APBB1IP: variants seen among roughly 807,000 people sequenced by gnomAD.
The protein encoded by APBB1IP is amyloid beta precursor protein binding family B member 1 interacting protein.
APBB1IP carries 27 observed loss-of-function variants against 64.9 expected under a neutral mutation model. That is an observed-to-expected ratio of 0.42 (90% CI 0.31 to 0.57). The LOEUF (loss-of-function observed/expected upper bound fraction) is 0.57. APBB1IP is among the 20% of genes least tolerant of loss of function. The probability of loss-of-function intolerance (pLI) is 0.20; values close to 1 mark genes in which losing one functional copy is unlikely to be tolerated. For synonymous variants in APBB1IP, 392 were observed against 331.0 expected, an observed-to-expected ratio of 1.18 and a Z score of -2.00; for missense variants, 812 against 845.5, an observed-to-expected ratio of 0.96 and a Z score of 0.49.
intron 2 of APBB1IP, among the ~76,000 whole-genome samples, chr10:26,454,512 A>G (rs767981436): frequency 6.6e-6 from 1 of 151,354 alleles, no homozygotes; most frequent in African/African-American, 2.4e-5. Context: ...TAAAAAATAA[A>G]AATAAAAACA....
chr10:26,535,027 A>G (rs1836602632), intron 9 of APBB1IP, among the ~76,000 whole-genome samples: 1 of 152,208 alleles, frequency 6.6e-6, no homozygotes, highest in Non-Finnish European at 1.5e-5. Flanking sequence ...GCATTTATGG[A>G]ACTAAATGAG....
chr10:26,508,454 T>A (rs1836211737), intron 6 of APBB1IP, among the ~76,000 whole-genome samples: 1 of 152,040 alleles, frequency 6.6e-6, no homozygotes, highest in Non-Finnish European at 1.5e-5. Flanking sequence ...TCAGAAATTT[T>A]GTGTTTAGCA....
chr10:26,492,197 T>C, intron 2 of APBB1IP, 130 bp from the exon 3 acceptor site: 1 of 699,016 alleles, frequency 1.4e-6, no homozygotes. Context: ...TAAGCCTTCC[T>C]CTCAATATAG....
intron 13 of APBB1IP, among the ~76,000 whole-genome samples, chr10:26,561,069 T>C (rs1295863218): frequency 3.4e-5 from 4 of 118,156 alleles, no homozygotes; most frequent in Admixed American, 1.7e-4. Flanking sequence ...TCTTTCTTTT[T>C]TTTTTTTTTT....
intron 11 of APBB1IP, among the ~76,000 whole-genome samples, chr10:26,543,229 G>A (rs917687433): frequency 1.3e-5 from 2 of 152,016 alleles, no homozygotes; most frequent in African/African-American, 4.8e-5. Context: ...CACTGTGGGA[G>A]GCTGAGGCAG....
At chr10:26,449,241 T>A (rs775519713) in intron 2 of APBB1IP, among the ~76,000 whole-genome samples, 2 of 152,164 alleles carry the variant, frequency 1.3e-5, no homozygotes, top group Non-Finnish European at 2.9e-5. Context: ...TCCAGGTGCA[T>A]GAAGATGCAA....
chr10:26,507,035 G>C (rs1332926208), intron 6 of APBB1IP, among the ~76,000 whole-genome samples: 1 of 152,134 alleles, frequency 6.6e-6, no homozygotes, highest in Non-Finnish European at 1.5e-5. Context: ...GCAAGAATCA[G>C]CTCGGGGAGG....
At chr10:26,513,389 A>C (rs749366483) in intron 7 of APBB1IP, 150 bp from the exon 8 acceptor site, 2 of 794,382 alleles carry the variant, frequency 2.5e-6, no homozygotes, top group Non-Finnish European at 4.1e-6. Context: ...CATAATAGAA[A>C]TGTTACAGTG....
intron 2 of APBB1IP, among the ~76,000 whole-genome samples, chr10:26,457,784 T>C (rs1435345467): frequency 6.6e-6 from 1 of 152,214 alleles, no homozygotes; most frequent in African/African-American, 2.4e-5. Context: ...GTATGAGTTT[T>C]CTGCTTCCCT....
At chr10:26,565,546 G>A (rs1015737347) in intron 14 of APBB1IP, among the ~76,000 whole-genome samples, 1 of 152,184 alleles carries the variant, frequency 6.6e-6, no homozygotes, top group African/African-American at 2.4e-5. Context: ...ATCTAAATAC[G>A]ATCTAAACAC....
At chr10:26,472,185 C>T (rs939031827) in intron 2 of APBB1IP, among the ~76,000 whole-genome samples, 2 of 152,126 alleles carry the variant, frequency 1.3e-5, no homozygotes, top group African/African-American at 4.8e-5. Context: ...TGAGCCACAC[C>T]GCATGTAATT....
chr10:26,566,939 T>A (rs1381933239), intron 14 of APBB1IP, 22 bp from the exon 15 acceptor site: 2 of 1,548,042 alleles, frequency 1.3e-6, no homozygotes, highest in South Asian at 1.2e-5. Context: ...AAAAAATGAA[T>A]GCTACTGCCA....
chr10:26,513,622 G>A lies in APBB1IP; in HGVS notation c.775G>A (p.Glu259Lys). ...CACAGAAAATAAAATACTATTTTTG[G>A]AGAAAGAGGAGAAATATGCTGTATT... ...RDTENKILFLEKEEKYAVFKN... is the reference protein window; with the variant it reads ...RDTENKILFLKKEEKYAVFKN... Residue 259 changes from glutamate (E) to lysine (K), a missense_variant, in exon 8 of 15, where the codon GAG (glutamate) becomes AAG (lysine). Physicochemically the swap from Glu to Lys is moderately conservative, Grantham distance 56. Around this residue, in one of 3 missense-constraint regions of APBB1IP, gnomAD observed 394 missense variants for 413.1 expected, o/e 0.95. Transcript: ENST00000376236. The A allele has an allele frequency of 6.2e-7, 1 of 1,613,396 alleles. No individual in the cohort carries two copies. The highest frequency in any genetic ancestry group is 8.5e-7 in the Non-Finnish European group (1 of 1,179,764).
chr10:26,478,136 T>A (rs185847052), intron 2 of APBB1IP, among the ~76,000 whole-genome samples: 2 of 152,260 alleles, frequency 1.3e-5, no homozygotes, highest in East Asian at 3.9e-4. Context: ...ACAGTTGATT[T>A]TGAAATAGGT....
In APBB1IP at chr10:26,438,683, T is replaced by C. The variant is rs1349574469; in HGVS notation, c.-171T>C. The C allele has an allele frequency of 6.6e-6, 1 of 152,044 alleles. No individual in the cohort carries two copies. Among genetic ancestry groups the C allele is most frequent in the East Asian group, 1.9e-4 (1 of 5,144 alleles). The allele number at this position is 152,044 out of a possible 1,614,324, so 9.4% of individuals were successfully genotyped here. A position where few individuals can be genotyped will look rare whatever the true frequency, so the allele number is the denominator to read the frequency against. On this transcript the variant is annotated 5_prime_UTR_variant, in exon 2 of 15. Coordinates refer to ENST00000376236, the MANE Select transcript of APBB1IP (RefSeq NM_019043.4). ...TCCTTGCACCTCGGAGCAAAGCAGC[T>C]CGGATAGCGCCACACGTCTGCGCGC... is the stretch of plus-strand genomic sequence containing the variant.
intron 2 of APBB1IP, among the ~76,000 whole-genome samples, chr10:26,453,243 G>A (rs1047894688): frequency 4.6e-5 from 7 of 152,202 alleles, no homozygotes; most frequent in Admixed American, 2.6e-4. Flanking sequence ...TATCTGAGTG[G>A]AGAAATGGCA....
intron 10 of APBB1IP, among the ~76,000 whole-genome samples, chr10:26,536,900 C>T (rs1012903217): frequency 6.6e-6 from 1 of 151,970 alleles, no homozygotes; most frequent in African/African-American, 2.4e-5. Flanking sequence ...CATGAGTCAC[C>T]GCACCCAGCT....
intron 7 of APBB1IP, 42 bp from the exon 8 acceptor site, chr10:26,513,497 G>A: frequency 6.2e-7 from 1 of 1,604,872 alleles, no homozygotes; most frequent in Non-Finnish European, 8.5e-7. Context: ...TGGAAACCCT[G>A]ATGTCTTGGG....
chr10:26,526,682 G>A (rs1836479265), intron 8 of APBB1IP, among the ~76,000 whole-genome samples: 1 of 151,460 alleles, frequency 6.6e-6, no homozygotes, highest in East Asian at 1.9e-4. Flanking sequence ...CCACACCATT[G>A]CACTCCAGCC....
Sources: allele counts gnomAD v4.1 joint callset (sites outside exome capture counted in the v4.1 genomes callset), GRCh38; gene constraint gnomAD v4.1.1; regional missense constraint gnomAD v4.1.1; transcripts MANE v1.5; gene names NCBI Gene and HGNC (gene_info 2026-07-23, HGNC 2026-07-21).